The following FGF12 variants were observed in gnomAD, a reference collection of about 807,000 sequenced individuals.
The protein encoded by FGF12 is fibroblast growth factor 12B.
Under a neutral mutation model 23.6 loss-of-function variants are expected in FGF12, and 14 were observed. The observed-to-expected ratio is 0.59, with a 90% CI of 0.39 to 0.93. The LOEUF is 0.93. Ranked by LOEUF, FGF12 falls within the 40% of genes least tolerant of loss-of-function variation. The pLI is 0.00. For synonymous variants in FGF12, 62 were observed against 77.3 expected (o/e 0.80, Z 1.04); for missense variants, 175 against 217.8 (o/e 0.80, Z 1.24).
At chr3:192,493,220 C>A (rs978374095) in intron 2 of FGF12, among the ~76,000 whole-genome samples, 2 of 152,010 alleles carry the variant, frequency 1.3e-5, no homozygotes, top group African/African-American at 4.8e-5. Context: ...CTTCCTTGAA[C>A]CTCAGCTTGC....
At chr3:192,309,983 A>C (rs1715851103) in intron 4 of FGF12, among the ~76,000 whole-genome samples, 1 of 152,170 alleles carries the variant, frequency 6.6e-6, no homozygotes, top group African/African-American at 2.4e-5. Flanking sequence ...CACAAGGTGA[A>C]GTAGATATAG....
chr3:192,391,807 A>G (rs1039760907), intron 2 of FGF12, among the ~76,000 whole-genome samples: 1 of 152,230 alleles, frequency 6.6e-6, no homozygotes, highest in African/African-American at 2.4e-5. Flanking sequence ...TTTCTCTGAC[A>G]TGTCAGTTTT....
chr3:192,297,879 C>T (rs1303629756), intron 4 of FGF12, among the ~76,000 whole-genome samples: 2 of 152,144 alleles, frequency 1.3e-5, no homozygotes, highest in East Asian at 1.9e-4. Context: ...CTATATTTCT[C>T]GAAAGCTCAC....
chr3:192,667,598 G>A (rs1256302812), intron 2 of FGF12, among the ~76,000 whole-genome samples: 2 of 124,844 alleles, frequency 1.6e-5, no homozygotes, highest in South Asian at 2.9e-4. Context: ...GCGACAGAGC[G>A]AGACTCCGTA....
chr3:192,243,469 T>G (rs1337761822), intron 4 of FGF12, among the ~76,000 whole-genome samples: 7 of 151,576 alleles, frequency 4.6e-5, no homozygotes, highest in Non-Finnish European at 7.4e-5. Context: ...AGGTAGCATT[T>G]AACACTAAGG....
chr3:192,367,081 C>T (rs1719018554), intron 2 of FGF12, among the ~76,000 whole-genome samples: 1 of 152,212 alleles, frequency 6.6e-6, no homozygotes, highest in Non-Finnish European at 1.5e-5. Context: ...AAGGCGGAGA[C>T]ACTCTGAGTG....
chr3:192,577,223 T>C (rs1048288607), intron 2 of FGF12, among the ~76,000 whole-genome samples: 8 of 152,140 alleles, frequency 5.3e-5, no homozygotes, highest in Admixed American at 1.3e-4. Flanking sequence ...AATAAATAAA[T>C]AATACTAATG....
At position 192,543,579 on chromosome 3, in the gene FGF12, G is replaced by C. The variant is rs150644761; in HGVS notation, c.14-183041C>G. Among the ~76,000 whole-genome samples, 1,199 of 152,138 alleles carry C rather than the reference G, an allele frequency of 7.9e-3. 11 individuals carry two copies. The highest frequency in any genetic ancestry group is 0.014 in the Non-Finnish European group (943 of 67,996). On this transcript the variant is annotated intron_variant, in intron 2 of 5. Coordinates refer to ENST00000445105, the MANE Select transcript of FGF12 (RefSeq NM_004113.6). The stretch of plus-strand genomic sequence containing the variant: ...CCTCCCCTTTTCTCAAGCAGACGGA[G>C]TCTCTCCCTATAGCCATCACAGCTG...
At chr3:192,396,921 C>T (rs1250855968) in intron 2 of FGF12, among the ~76,000 whole-genome samples, 4 of 152,260 alleles carry the variant, frequency 2.6e-5, no homozygotes, top group Admixed American at 2.6e-4. Context: ...GAGTCAGGAC[C>T]AAGGAACCTC....
intron 2 of FGF12, among the ~76,000 whole-genome samples, chr3:192,483,745 GGCGTTCCA>G (rs1373954325): frequency 6.6e-6 from 1 of 151,960 alleles, no homozygotes; most frequent in African/African-American, 2.4e-5. Flanking sequence ...GAAGTGGAAA[GGCGTTCCA>G]GCTAGAAAAA....
chr3:192,494,415 T>C lies in FGF12; in HGVS notation c.14-133877A>G, dbSNP rs940820773. Among the ~76,000 whole-genome samples, 6 of 152,348 alleles carry C rather than the reference T, an allele frequency of 3.9e-5. No homozygotes were observed. The South Asian group carries it at 6.2e-4, about 16-fold the overall frequency. ...GTTGGCACAGAGCTGCTTTTCAAAC[T>C]AAATCTGTCAAACCTACTTCTACTT... On this transcript the variant is annotated intron_variant, in intron 2 of 5. Coordinates refer to ENST00000445105, the MANE Select transcript of FGF12 (RefSeq NM_004113.6).
intron 2 of FGF12, among the ~76,000 whole-genome samples, chr3:192,372,575 G>A (rs75218911): frequency 0.072 from 10,942 of 152,212 alleles, 445 homozygotes; most frequent in South Asian, 0.12. Context: ...AGGGCAGTGG[G>A]ATCCGGACAT....
intron 2 of FGF12, among the ~76,000 whole-genome samples, chr3:192,717,575 GT>G (rs1484622050): frequency 6.6e-6 from 1 of 151,898 alleles, no homozygotes; most frequent in South Asian, 2.1e-4. Flanking sequence ...ACCTATTACA[GT>G]TTTTTTCCCC....
chr3:192,220,269 C>T (rs376297607), intron 4 of FGF12, among the ~76,000 whole-genome samples: 1 of 152,162 alleles, frequency 6.6e-6, no homozygotes, highest in African/African-American at 2.4e-5. Context: ...GCATCAAAGA[C>T]CCTCCATGAC....
chr3:192,254,511 C>T (rs1176520239), intron 4 of FGF12, among the ~76,000 whole-genome samples: 2 of 151,854 alleles, frequency 1.3e-5, no homozygotes, highest in African/African-American at 4.8e-5. Flanking sequence ...TATTGACACA[C>T]AACATAGGAT....
chr3:192,574,622 C>G (rs1233597463), intron 2 of FGF12, among the ~76,000 whole-genome samples: 1 of 152,150 alleles, frequency 6.6e-6, no homozygotes, highest in East Asian at 1.9e-4. Flanking sequence ...TTCTCCATTG[C>G]TTAGGGGGGA....
rs1029258173 is a variant in FGF12, at chr3:192,408,919, G to A, written c.14-48381C>T. 2 of 985,174 alleles carry A rather than the reference G, an allele frequency of 2.0e-6. No individual in the cohort carries two copies. Among genetic ancestry groups the A allele is most frequent in the Non-Finnish European group, 2.4e-6 (2 of 829,968 alleles). The allele number at this position is 985,174 out of a possible 1,614,324, so 61.0% of individuals were successfully genotyped here. The stretch of plus-strand genomic sequence containing the variant: ...CATCGCGCCGGCTGCGGCTTTCCAG[G>A]GGCCGGCCACCCGAGTTCTGGAATT... On this transcript the variant is annotated intron_variant, in intron 2 of 5. Transcript: ENST00000445105. This position sits in a 1 kb window ranked among gnomAD's most constrained non-coding sequence, Gnocchi z 7.3.
chr3:192,461,143 ATGGGATTTT>A (rs1722850499), intron 2 of FGF12, among the ~76,000 whole-genome samples: 1 of 152,094 alleles, frequency 6.6e-6, no homozygotes, highest in South Asian at 2.1e-4. Flanking sequence ...TCATTTAACA[ATGGGATTTT>A]TGTAAATGAA....
intron 4 of FGF12, among the ~76,000 whole-genome samples, chr3:192,321,495 C>CAA (rs34526901): frequency 0.011 from 1,180 of 109,662 alleles, 18 homozygotes; most frequent in African/African-American, 0.035. Flanking sequence ...TAAAGACATT[C>CAA]AAAAAAAAAA....
Sources: allele counts gnomAD v4.1 joint callset (sites outside exome capture counted in the v4.1 genomes callset), GRCh38; gene constraint gnomAD v4.1.1; non-coding constraint Gnocchi (gnomAD v3.1); transcripts MANE v1.5; gene names NCBI Gene and HGNC (gene_info 2026-07-23, HGNC 2026-07-21).